The following PGAP1 variants were observed in gnomAD, a reference collection of about 807,000 sequenced individuals.
PGAP1 encodes post-GPI attachment to proteins inositol deacylase 1.
Under a neutral mutation model 127.0 loss-of-function variants are expected in PGAP1, and 76 were observed. The observed-to-expected ratio is 0.60, with a 90% CI of 0.50 to 0.72. PGAP1 has a LOEUF of 0.72. Among genes scored for constraint, PGAP1 ranks in the 30% least tolerant of loss-of-function variants. PGAP1 has a pLI of 0.00. For synonymous variants in PGAP1, 362 were observed against 366.5 expected, an observed-to-expected ratio of 0.99 and a Z score of 0.14; for missense variants, 982 against 1,071.3, an observed-to-expected ratio of 0.92 and a Z score of 1.16.
intron 20 of PGAP1, among the ~76,000 whole-genome samples, chr2:196,855,015 C>CAG: frequency 6.6e-6 from 1 of 151,628 alleles, no homozygotes; most frequent in East Asian, 1.9e-4. Flanking sequence ...TCTCAAACTC[C>CAG]AGACCTCAAA....
chr2:196,904,762 G>A (rs952888766), intron 4 of PGAP1, among the ~76,000 whole-genome samples: 16 of 152,188 alleles, frequency 1.1e-4, no homozygotes, highest in African/African-American at 3.4e-4. Flanking sequence ...GGCTTGGTTA[G>A]CTGGATCACA....
intron 19 of PGAP1, among the ~76,000 whole-genome samples, chr2:196,869,573 A>T (rs908730190): frequency 4.6e-5 from 7 of 152,144 alleles, no homozygotes; most frequent in African/African-American, 1.7e-4. Flanking sequence ...TGACCTCGTG[A>T]TCCATCCACC....
chr2:196,846,074 A>G lies in PGAP1; in HGVS notation c.2151-57T>C, dbSNP rs549790631. On this transcript the variant is annotated intron_variant, in intron 22 of 26. Transcript: ENST00000354764. ...TATTAACAAATATTTATATAGTCAC[A>G]TATAAGAAGAAAACAATATAGTACC... is the stretch of plus-strand genomic sequence containing the variant. 60 of 1,114,724 alleles carry G rather than the reference A, an allele frequency of 5.4e-5. No homozygotes were observed. In the South Asian group the frequency reaches 1.2e-3, roughly 22 times the overall value. The allele number at this position is 1,114,724 out of a possible 1,614,324, so 69.1% of individuals were successfully genotyped here.
At position 196,847,152 on chromosome 2, in the gene PGAP1, T is replaced by G. The variant is rs1304073018; in HGVS notation, c.2001A>C (p.Leu667Phe). 6.2e-7 allele frequency: 1 copy of G among 1,613,174 alleles called. No individual in the cohort carries two copies. Among genetic ancestry groups the G allele is most frequent in the South Asian group, 1.1e-5 (1 of 91,048 alleles). ...ELWDVLLLPE[L>F]DAVILTCQSM... ...TCTGACAAGTTAAAATGACGGCATC[T>G]AATTCTGGTAACAATAATACATCCC... Residue 667 changes from leucine to phenylalanine, a missense_variant, in exon 22 of 27, where the codon TTA becomes TTC. Transcript: ENST00000354764.
intron 5 of PGAP1, among the ~76,000 whole-genome samples, chr2:196,901,670 T>A (rs1006630315): frequency 6.6e-6 from 1 of 152,198 alleles, no homozygotes; most frequent in Non-Finnish European, 1.5e-5. Flanking sequence ...AGATTATGTA[T>A]CCCAGTTAAA....
chr2:196,873,804 T>G (rs756184500), intron 14 of PGAP1, 46 bp from the exon 15 acceptor site: 1 of 1,243,496 alleles, frequency 8.0e-7, no homozygotes, highest in South Asian at 1.3e-5. Flanking sequence ...CAAGGAAGTT[T>G]TTAAAAACAT....
At chr2:196,860,404 C>T (rs1203899977) in intron 20 of PGAP1, among the ~76,000 whole-genome samples, 4 of 151,984 alleles carry the variant, frequency 2.6e-5, no homozygotes, top group Non-Finnish European at 5.9e-5. Context: ...CGTGGTGCCA[C>T]ACGGCTGTAA....
rs1700379371 is a variant in PGAP1, at chr2:196,840,560, T to C, written c.*674A>G. On this transcript the variant is annotated 3_prime_UTR_variant, in exon 27 of 27. Transcript: ENST00000354764. ...CACCGAGAATATATAGTAAGATTCA[T>C]ATTTGAAAAATAGCAAGAAAAATTG... 6.6e-6 allele frequency: 1 copy of C among 152,176 alleles called. No homozygotes were observed. Among genetic ancestry groups the C allele is most frequent in the Admixed American group, 6.5e-5 (1 of 15,288 alleles). 9.4% of individuals were successfully genotyped at this position (152,176 alleles called of 1,614,324 possible).
intron 13 of PGAP1, among the ~76,000 whole-genome samples, chr2:196,876,271 A>G (rs1043872546): frequency 6.6e-6 from 1 of 152,114 alleles, no homozygotes; most frequent in Non-Finnish European, 1.5e-5. Context: ...TTTATTAAAG[A>G]TAGTCTAATT....
At position 196,926,455 on chromosome 2, in the gene PGAP1, A is replaced by G. The variant is rs1357156347; in HGVS notation, c.147+15T>C. ...AGTCTTGGAGCGCCCGGCTGAGGAG[A>G]GGGCAGAACCTTACCTGATACTCCG... On this transcript the variant is annotated intron_variant, in intron 1 of 26. Transcript: ENST00000354764. The G allele has an allele frequency of 6.2e-7, 1 of 1,613,176 alleles. No homozygotes were observed. Among genetic ancestry groups the G allele is most frequent in the East Asian group, 2.2e-5 (1 of 44,808 alleles).
At chr2:196,904,321 C>G (rs955936991) in intron 4 of PGAP1, among the ~76,000 whole-genome samples, 13 of 152,170 alleles carry the variant, frequency 8.5e-5, no homozygotes, top group Non-Finnish European at 1.6e-4. Flanking sequence ...TCTGTACTTT[C>G]AGCAGCGCTA....
At chr2:196,873,395 C>G in intron 16 of PGAP1, 133 bp downstream of exon 16, 1 of 654,634 alleles carries the variant, frequency 1.5e-6, no homozygotes, top group Non-Finnish European at 2.6e-6. Context: ...TATAAACAAC[C>G]TGTTATAAAT....
intron 20 of PGAP1, among the ~76,000 whole-genome samples, chr2:196,857,810 C>T (rs1370923555): frequency 6.6e-6 from 1 of 152,188 alleles, no homozygotes; most frequent in Non-Finnish European, 1.5e-5. Context: ...GCCTGCTCAA[C>T]CTCAAACTGG....
rs777660974 is a variant in PGAP1 at position 196,926,523 on chromosome 2, A to C, written c.94T>G (p.Phe32Val). Residue 32 changes from phenylalanine to valine, a missense_variant, in exon 1 of 27, where the codon TTC becomes GTC. Transcript: ENST00000354764. ...CTCATACTGCACTTATTCTCCTCGA[A>C]GCCGAAGAAGACATCCCACAGCCCC... ...TLGLWDVFFGFEENKCSMSYM... is the reference protein window; with the variant it reads ...TLGLWDVFFGVEENKCSMSYM... 1 of 1,614,114 alleles carries C rather than the reference A, an allele frequency of 6.2e-7. No homozygotes were observed. The highest frequency in any genetic ancestry group is 1.1e-5 in the South Asian group (1 of 91,086).
chr2:196,843,416 TA>T (rs1364435668), intron 25 of PGAP1, among the ~76,000 whole-genome samples: 2 of 152,150 alleles, frequency 1.3e-5, no homozygotes, highest in East Asian at 3.8e-4. Context: ...TCTGCCAACT[TA>T]AAAAAATTCC....
intron 23 of PGAP1, among the ~76,000 whole-genome samples, 158 bp downstream of exon 23, chr2:196,845,724 G>A (rs1021176165): frequency 1.3e-5 from 2 of 151,678 alleles, no homozygotes; most frequent in Admixed American, 1.3e-4. Context: ...CCAGTTAATT[G>A]TATGTAATTT....
chr2:196,916,726 T>C, intron 2 of PGAP1, 133 bp from the exon 3 acceptor site: 1 of 817,228 alleles, frequency 1.2e-6, no homozygotes, highest in East Asian at 3.0e-5. Flanking sequence ...ATGAAATTCA[T>C]TAATAGCACC....
chr2:196,839,516 CCCA>C lies in PGAP1; in HGVS notation c.*1715_*1717del, dbSNP rs1268105608. The C allele has an allele frequency of 3.9e-5, 6 of 152,158 alleles. No homozygotes were observed. Among genetic ancestry groups the C allele is most frequent in the Non-Finnish European group, 8.8e-5 (6 of 68,024 alleles). 9.4% of individuals were successfully genotyped at this position (152,158 alleles called of 1,614,324 possible). A position where few individuals can be genotyped will look rare whatever the true frequency, so the allele number is the denominator to read the frequency against. On this transcript the variant is annotated 3_prime_UTR_variant, in exon 27 of 27. Transcript: ENST00000354764. ...CAAACAAGCACCTGTCTGCCATATC[CCCA>C]CCACGAGTTTATCATTTCCCTTTAA... is the stretch of plus-strand genomic sequence containing the variant.
At chr2:196,878,630 C>T (rs899303783) in intron 13 of PGAP1, among the ~76,000 whole-genome samples, 2 of 152,138 alleles carry the variant, frequency 1.3e-5, no homozygotes, top group African/African-American at 4.8e-5. Context: ...ATTTCTGATA[C>T]CATTACTACT....
Sources: gnomAD v4.1 joint callset for allele counts (sites outside exome capture counted in the v4.1 genomes callset) on GRCh38, gnomAD v4.1.1 for gene constraint, MANE v1.5 for transcripts, NCBI Gene and HGNC (gene_info 2026-07-23, HGNC 2026-07-21) for gene names.